The following TENM3 variants were observed in gnomAD, a reference collection of about 807,000 sequenced individuals.
TENM3 encodes teneurin-3.
A neutral mutation model predicts 255.1 loss-of-function variants in TENM3; 63 were observed. The observed-to-expected ratio is 0.25, with a 90% CI of 0.20 to 0.30. The LOEUF is 0.30. Among genes scored for constraint, TENM3 ranks in the 10% least tolerant of loss-of-function variants. The pLI, the probability that TENM3 is intolerant of heterozygous loss-of-function variation, is 1.00. For missense variants in TENM3, 2,929 were observed against 3,461.1 expected (o/e 0.85, Z 3.86); for synonymous variants, 1,306 against 1,322.3 (o/e 0.99, Z 0.27).
chr4:182,140,373 C>A (rs1390489193), upstream of TENM3, among the ~76,000 whole-genome samples: 1 of 152,012 alleles, frequency 6.6e-6, no homozygotes. Context: ...TTTCCTGAGC[C>A]TGAGGGGTGA....
chr4:182,381,205 A>G (rs763621625), intron 3 of TENM3, among the ~76,000 whole-genome samples: 1 of 152,220 alleles, frequency 6.6e-6, no homozygotes, highest in Non-Finnish European at 1.5e-5. Context: ...GACAGGGGGA[A>G]GTCACAGAAA....
chr4:182,576,122 A>T (rs76300766), intron 3 of TENM3, among the ~76,000 whole-genome samples: 6,026 of 152,232 alleles, frequency 0.04, 123 homozygotes, highest in Middle Eastern at 0.068. Flanking sequence ...GATTTTTTTA[A>T]CTTTTTCTTT....
At chr4:182,000,823 A>C in the TENM3 span, among the ~76,000 whole-genome samples, 1 of 150,130 alleles carries the variant, frequency 6.7e-6, no homozygotes, top group African/African-American at 2.5e-5. Flanking sequence ...CTATCTGTTA[A>C]GTCCAGAAAG....
the TENM3 span, among the ~76,000 whole-genome samples, chr4:181,476,250 G>A: frequency 6.8e-6 from 1 of 147,636 alleles, no homozygotes; most frequent in Non-Finnish European, 1.5e-5. Context: ...GGCAACCCTA[G>A]CACCAGGAAT....
chr4:182,466,112 T>C (rs970692541), intron 3 of TENM3, among the ~76,000 whole-genome samples: 1 of 152,172 alleles, frequency 6.6e-6, no homozygotes, highest in Non-Finnish European at 1.5e-5. Flanking sequence ...AAGCACTGTA[T>C]GGGTGCAAGA....
the TENM3 span, among the ~76,000 whole-genome samples, chr4:181,453,345 T>C: frequency 6.6e-6 from 1 of 152,106 alleles, no homozygotes; most frequent in Non-Finnish European, 1.5e-5. Flanking sequence ...CAGCAGATTG[T>C]CTGAATTCTA....
chr4:181,866,579 A>C, the TENM3 span, among the ~76,000 whole-genome samples: 5 of 152,166 alleles, frequency 3.3e-5, no homozygotes, highest in African/African-American at 1.2e-4. Context: ...CGTGATGTTC[A>C]AGAGAGGCTG....
At chr4:182,576,579 T>C (rs1341242692) in intron 3 of TENM3, among the ~76,000 whole-genome samples, 1 of 152,258 alleles carries the variant, frequency 6.6e-6, no homozygotes, top group Non-Finnish European at 1.5e-5. Flanking sequence ...GGAAATTATA[T>C]GGTTGACCCT....
the TENM3 span, among the ~76,000 whole-genome samples, chr4:181,804,107 G>A: frequency 7.1e-6 from 1 of 140,704 alleles, no homozygotes; most frequent in Non-Finnish European, 1.5e-5. Flanking sequence ...GAGGAAGGAA[G>A]GAGAAGGAGG....
At chr4:181,475,542 A>C in the TENM3 span, among the ~76,000 whole-genome samples, 2 of 152,312 alleles carry the variant, frequency 1.3e-5, no homozygotes, top group South Asian at 2.1e-4. Context: ...ATCACTCTGC[A>C]TCATAGATGC....
the TENM3 span, among the ~76,000 whole-genome samples, chr4:181,887,245 C>A: frequency 7.4e-6 from 1 of 134,484 alleles, no homozygotes; most frequent in East Asian, 2.1e-4. Flanking sequence ...TTTACACGTA[C>A]CTGTGTGATT....
the TENM3 span, among the ~76,000 whole-genome samples, chr4:181,711,925 G>T: frequency 1.3e-5 from 2 of 152,264 alleles, no homozygotes; most frequent in South Asian, 2.1e-4. Flanking sequence ...TTTGAACAGA[G>T]CCTGGCCTGT....
the TENM3 span, among the ~76,000 whole-genome samples, chr4:182,069,932 G>A: frequency 6.6e-6 from 1 of 152,146 alleles, no homozygotes; most frequent in African/African-American, 2.4e-5. Context: ...TGATATTTAG[G>A]ATCATTGACA....
intron 3 of TENM3, among the ~76,000 whole-genome samples, chr4:182,587,622 G>A (rs1254436874): frequency 6.6e-6 from 1 of 152,052 alleles, no homozygotes; most frequent in Admixed American, 6.6e-5. Flanking sequence ...TGTTGCCCAG[G>A]CTGGTCTTGA....
At chr4:181,833,746 A>T in the TENM3 span, among the ~76,000 whole-genome samples, 1 of 151,888 alleles carries the variant, frequency 6.6e-6, no homozygotes, top group South Asian at 2.1e-4. Context: ...TGACATAATT[A>T]GTCACGTTCT....
chr4:182,299,430 A>G (rs1335671550), intron 1 of TENM3, among the ~76,000 whole-genome samples: 3 of 152,198 alleles, frequency 2.0e-5, no homozygotes, highest in Non-Finnish European at 4.4e-5. Flanking sequence ...AGATTCGGAA[A>G]TTATTTCATA....
the TENM3 span, among the ~76,000 whole-genome samples, chr4:181,748,244 C>T: frequency 6.6e-6 from 1 of 152,014 alleles, no homozygotes; most frequent in Non-Finnish European, 1.5e-5. Flanking sequence ...AATATCTTTG[C>T]ACTACATAAT....
At chr4:182,170,150 A>T (rs558433153) in intron 1 of TENM3, among the ~76,000 whole-genome samples, 1 of 151,848 alleles carries the variant, frequency 6.6e-6, no homozygotes, top group East Asian at 1.9e-4. Flanking sequence ...TATGTCTTTC[A>T]TTCCTTTAAG....
At chr4:182,586,652 A>C (rs538851165) in intron 3 of TENM3, among the ~76,000 whole-genome samples, 5 of 152,330 alleles carry the variant, frequency 3.3e-5, no homozygotes, top group Middle Eastern at 3.4e-3. Flanking sequence ...TGCACGTGCC[A>C]AGAATAGAAA....
Sources: allele counts gnomAD v4.1 joint callset (sites outside exome capture counted in the v4.1 genomes callset), GRCh38; gene constraint gnomAD v4.1.1; transcripts MANE v1.5; gene names NCBI Gene and HGNC (gene_info 2026-07-23, HGNC 2026-07-21).